Variants in GPC6 observed in about 807,000 individuals in gnomAD.
GPC6 encodes the protein glypican-6.
GPC6 carries 14 observed loss-of-function variants against 55.2 expected under a neutral mutation model. The ratio of observed to expected loss-of-function variants is 0.25; its 90% CI spans 0.17 to 0.40. The LOEUF (loss-of-function observed/expected upper bound fraction) is 0.40. GPC6 is among the 10% of genes least tolerant of loss of function. The pLI is 1.00. For synonymous variants in GPC6, 278 were observed against 259.6 expected (o/e 1.07, Z -0.68); for missense variants, 641 against 708.5 (o/e 0.90, Z 1.08).
intron 4 of GPC6, among the ~76,000 whole-genome samples, chr13:94,131,917 G>A (rs1371115347): frequency 6.6e-6 from 1 of 152,194 alleles, no homozygotes; most frequent in Non-Finnish European, 1.5e-5. Context: ...GGATTTCATA[G>A]TCAAATAGTT....
chr13:93,227,546 C>T lies in GPC6; in HGVS notation c.90C>T (p.Cys30=), dbSNP rs1191941012. Residue 30 remains cysteine, a synonymous_variant, in exon 1 of 9, where the codon TGC becomes TGT. Transcript: ENST00000377047. This position sits in a 1 kb window ranked among gnomAD's most constrained non-coding sequence, Gnocchi z 4.3. ...PAGADVKARS[C]GEVRQAYGAK... is the part of the protein sequence containing the mutation. ...GGGCGGATGTGAAGGCTCGGAGCTG[C>T]GGAGAGGTCCGCCAGGCGTACGGTG... The T allele has an allele frequency of 2.5e-6, 4 of 1,613,334 alleles. No homozygotes were observed. Among genetic ancestry groups the T allele is most frequent in the Non-Finnish European group, 1.7e-6 (2 of 1,179,618 alleles).
At chr13:93,271,960 TAAAC>T (rs771574527) in intron 1 of GPC6, among the ~76,000 whole-genome samples, 2 of 152,180 alleles carry the variant, frequency 1.3e-5, no homozygotes, top group Admixed American at 1.3e-4. Context: ...TCATAACTAA[TAAAC>T]TATATGACAT....
intron 3 of GPC6, among the ~76,000 whole-genome samples, chr13:93,900,762 A>G (rs1183932916): frequency 6.6e-6 from 1 of 152,190 alleles, no homozygotes; most frequent in African/African-American, 2.4e-5. Flanking sequence ...AGGTATGAGT[A>G]CAGAAAATAA....
intron 1 of GPC6, among the ~76,000 whole-genome samples, chr13:93,231,397 GTATA>G (rs71123471): frequency 0.029 from 1,304 of 45,582 alleles, 25 homozygotes; most frequent in African/African-American, 0.087. Context: ...ATATATATAT[GTATA>G]TATATATATA....
chr13:93,835,312 A>G (rs1289257675), intron 3 of GPC6, among the ~76,000 whole-genome samples: 6 of 152,092 alleles, frequency 3.9e-5, no homozygotes, highest in Non-Finnish European at 8.8e-5. Context: ...AAAATTAGCC[A>G]GTCATGGTGG....
chr13:94,393,880 A>C (rs1381701669), intron 7 of GPC6, among the ~76,000 whole-genome samples: 117 of 152,308 alleles, frequency 7.7e-4, no homozygotes, highest in Non-Finnish European at 4.4e-5. Context: ...ACATTCACAT[A>C]TCAACAGGGT....
intron 1 of GPC6, among the ~76,000 whole-genome samples, chr13:93,529,754 A>T (rs1417231308): frequency 2.0e-5 from 3 of 151,824 alleles, no homozygotes; most frequent in Non-Finnish European, 4.4e-5. Flanking sequence ...TGACCTCGTG[A>T]TCCACCCACC....
intron 3 of GPC6, among the ~76,000 whole-genome samples, chr13:93,901,826 T>C (rs1876370349): frequency 1.3e-5 from 2 of 148,892 alleles, no homozygotes; most frequent in African/African-American, 5.0e-5. Context: ...ACTTGAACCC[T>C]GGAAGTGGAG....
At chr13:93,719,204 C>A (rs1813690381) in intron 2 of GPC6, among the ~76,000 whole-genome samples, 1 of 151,984 alleles carries the variant, frequency 6.6e-6, no homozygotes, top group Non-Finnish European at 1.5e-5. Context: ...ATTGATTCTT[C>A]CTATCCATGA....
At chr13:93,829,439 T>C (rs9524248) in intron 2 of GPC6, among the ~76,000 whole-genome samples, 35,797 of 152,104 alleles carry the variant, frequency 0.24, 4,755 homozygotes, top group East Asian at 0.34. Context: ...GTGTGCACTT[T>C]TTCATTTAGA....
intron 1 of GPC6, among the ~76,000 whole-genome samples, chr13:93,228,871 T>A (rs1875914351): frequency 1.3e-5 from 2 of 152,204 alleles, no homozygotes. Flanking sequence ...GAGGAATTAC[T>A]ATTTTCTTAT....
chr13:94,185,758 T>G (rs961506324), intron 4 of GPC6, among the ~76,000 whole-genome samples: 3 of 152,094 alleles, frequency 2.0e-5, no homozygotes, highest in African/African-American at 7.2e-5. Context: ...GAAGATGAAG[T>G]ATTCAACTGT....
chr13:93,508,754 A>G (rs974841617), intron 1 of GPC6, among the ~76,000 whole-genome samples: 7 of 152,206 alleles, frequency 4.6e-5, no homozygotes, highest in Non-Finnish European at 1.0e-4. Context: ...GCAGGGCTTT[A>G]GAGGAAATGT....
At chr13:93,646,404 G>T (rs1296924419) in intron 2 of GPC6, among the ~76,000 whole-genome samples, 3 of 152,094 alleles carry the variant, frequency 2.0e-5, no homozygotes, top group Admixed American at 6.6e-5. Context: ...AAGTACGCTA[G>T]TCAGTTTATC....
At chr13:93,297,673 C>G (rs7987881) in intron 1 of GPC6, among the ~76,000 whole-genome samples, 6 of 151,974 alleles carry the variant, frequency 3.9e-5, no homozygotes, top group African/African-American at 9.7e-5. Flanking sequence ...CACCCTCCCC[C>G]CTTCACCTCA....
chr13:93,717,852 C>T (rs983863628), intron 2 of GPC6, among the ~76,000 whole-genome samples: 2 of 151,682 alleles, frequency 1.3e-5, no homozygotes, highest in Non-Finnish European at 2.9e-5. Context: ...TTAGTGAGAA[C>T]GTGCAGTGTT....
intron 2 of GPC6, among the ~76,000 whole-genome samples, chr13:93,797,301 A>G (rs139364985): frequency 6.6e-6 from 1 of 152,330 alleles, no homozygotes; most frequent in East Asian, 1.9e-4. Context: ...TTTCTTATGA[A>G]TGATAGGCTC....
intron 4 of GPC6, among the ~76,000 whole-genome samples, chr13:94,264,246 T>A (rs1268138846): frequency 1.3e-5 from 2 of 152,248 alleles, no homozygotes; most frequent in Non-Finnish European, 2.9e-5. Flanking sequence ...AATTTATTTC[T>A]TAATGGGTTA....
At chr13:93,627,084 C>T (rs1343469316) in intron 2 of GPC6, among the ~76,000 whole-genome samples, 1 of 151,874 alleles carries the variant, frequency 6.6e-6, no homozygotes, top group Non-Finnish European at 1.5e-5. Flanking sequence ...ATACACATGC[C>T]ATGGTAGTTT....
Sources: gnomAD v4.1 joint callset for allele counts (sites outside exome capture counted in the v4.1 genomes callset) on GRCh38, gnomAD v4.1.1 for gene constraint, Gnocchi (gnomAD v3.1) non-coding constraint, MANE v1.5 for transcripts, NCBI Gene and HGNC (gene_info 2026-07-23, HGNC 2026-07-21) for gene names.